The following LRRC8C variants were observed in gnomAD, a reference collection of about 807,000 sequenced individuals.
LRRC8C encodes leucine rich repeat containing 8 VRAC subunit C, also known as volume-regulated anion channel subunit LRRC8C.
LRRC8C carries 20 observed loss-of-function variants against 55.3 expected under a neutral mutation model. That is an observed-to-expected ratio of 0.36 (90% CI 0.25 to 0.53). LRRC8C has a LOEUF of 0.53. Ranked by LOEUF, LRRC8C falls within the 20% of genes least tolerant of loss-of-function variation. LRRC8C has a pLI of 0.92. For synonymous variants in LRRC8C, 376 were observed against 360.7 expected, an observed-to-expected ratio of 1.04 and a Z score of -0.48; for missense variants, 659 against 951.4, an observed-to-expected ratio of 0.69 and a Z score of 4.04.
rs115817992 is a variant in LRRC8C at position 89,689,574 on chromosome 1, C to T, written c.138+2963C>T. ...TTAAATGGTTTGAGTAGGGTGAAAGCAGTTGTTCTGCATGTATTTTGAAGG... is the reference window on the plus strand; with the variant it reads ...TTAAATGGTTTGAGTAGGGTGAAAGTAGTTGTTCTGCATGTATTTTGAAGG... On this transcript the variant is annotated intron_variant, in intron 2 of 2. Transcript: ENST00000370454. Among the ~76,000 whole-genome samples, 1,166 of 152,226 alleles carry T rather than the reference C, an allele frequency of 7.7e-3. 11 individuals carry two copies. The highest frequency in any genetic ancestry group is 0.027 in the African/African-American group (1,126 of 41,530).
chr1:89,642,349 CT>C, intron 1 of LRRC8C, among the ~76,000 whole-genome samples: 1 of 152,136 alleles, frequency 6.6e-6, no homozygotes, highest in Non-Finnish European at 1.5e-5. Context: ...GCATTAGTAC[CT>C]TAATAGGATT....
chr1:89,700,573 C>G (rs1439359135), intron 2 of LRRC8C, among the ~76,000 whole-genome samples: 1 of 152,154 alleles, frequency 6.6e-6, no homozygotes, highest in Non-Finnish European at 1.5e-5. Context: ...TAAAGGATAG[C>G]CTGCTCTTAT....
rs375875873 is a variant in LRRC8C at position 89,714,460 on chromosome 1, C to T, written c.1890C>T (p.Ile630=). The change falls in exon 3 of 3, where the codon ATC becomes ATT. Residue 630 remains isoleucine (I), a synonymous_variant. Transcript: ENST00000370454. This position sits in a 1 kb window ranked among gnomAD's most constrained non-coding sequence, Gnocchi z 4.6. ...KENNLKSIEE[I]VSFQHLRKLT... ...ACAATCTGAAATCTATAGAAGAAATCGTTAGCTTTCAGCACTTAAGAAAGT... is the reference window on the plus strand; with the variant it reads ...ACAATCTGAAATCTATAGAAGAAATTGTTAGCTTTCAGCACTTAAGAAAGT... 1.5e-5 allele frequency: 25 copies of T among 1,613,996 alleles called. No homozygotes were observed. Among genetic ancestry groups the T allele is most frequent in the South Asian group, 1.3e-4 (12 of 91,080 alleles).
At chr1:89,681,645 T>A (rs1332495271) in intron 1 of LRRC8C, among the ~76,000 whole-genome samples, 1 of 152,098 alleles carries the variant, frequency 6.6e-6, no homozygotes, top group African/African-American at 2.4e-5. Flanking sequence ...AACTGCCCTT[T>A]ATAAAACCAC....
intron 2 of LRRC8C, among the ~76,000 whole-genome samples, chr1:89,701,321 A>G (rs1658316422): frequency 6.6e-6 from 1 of 151,984 alleles, no homozygotes; most frequent in African/African-American, 2.4e-5. Flanking sequence ...CTAAAACTAC[A>G]AAAAATTAGC....
intron 1 of LRRC8C, among the ~76,000 whole-genome samples, chr1:89,670,725 A>G (rs965577400): frequency 6.6e-6 from 1 of 152,062 alleles, no homozygotes; most frequent in Non-Finnish European, 1.5e-5. Flanking sequence ...TACAGCAAGG[A>G]ATTTATCAAA....
intron 1 of LRRC8C, among the ~76,000 whole-genome samples, chr1:89,659,091 G>T (rs1657043368): frequency 2.1e-5 from 3 of 143,034 alleles, no homozygotes; most frequent in African/African-American, 5.3e-5. Context: ...GTGTGTGTGT[G>T]TGTGTGTGTG....
At chr1:89,706,449 A>G in intron 2 of LRRC8C, 1 of 432,188 alleles carries the variant, frequency 2.3e-6, no homozygotes, top group South Asian at 1.7e-5. Flanking sequence ...CTGCCTAAAT[A>G]AGTGTCATCC....
intron 2 of LRRC8C, among the ~76,000 whole-genome samples, chr1:89,688,573 G>GCCAGGCAGATGTCCTGGAAGGAGGCTT (rs1557662071): frequency 1.3e-5 from 2 of 152,192 alleles, no homozygotes; most frequent in East Asian, 1.9e-4. Context: ...CCAGGAGCAG[G>GCCAGGCAGATGTCCTGGAAGGAGGCTT]CCAGGCAGAT....
the LRRC8C span, among the ~76,000 whole-genome samples, chr1:89,621,261 T>C: frequency 5.8e-4 from 83 of 143,610 alleles, 1 homozygote; most frequent in South Asian, 7.5e-3. Flanking sequence ...GAGATCGAGA[T>C]CATCCTGGCT....
At chr1:89,641,818 G>A (rs1393224699) in intron 1 of LRRC8C, among the ~76,000 whole-genome samples, 4 of 152,154 alleles carry the variant, frequency 2.6e-5, no homozygotes, top group Admixed American at 6.5e-5. Context: ...TAGTTTCAGT[G>A]TTATCTACTT....
intron 1 of LRRC8C, among the ~76,000 whole-genome samples, chr1:89,666,790 G>A (rs569935937): frequency 2.6e-5 from 4 of 152,214 alleles, no homozygotes; most frequent in African/African-American, 9.6e-5. Flanking sequence ...TACTTATTGA[G>A]TACCTTTTAT....
Position 89,717,316 on chromosome 1 carries a change from G to A in LRRC8C, c.*2334G>A, listed in dbSNP as rs1658856262. On this transcript the variant is annotated 3_prime_UTR_variant, in exon 3 of 3. Transcript: ENST00000370454. ...TACCCTTCAAAAGGGATCTCTTCAG[G>A]TTAAAAATCACGCTTATGCTGAAGT... is the stretch of plus-strand genomic sequence containing the variant. 2 of 152,168 alleles carry A rather than the reference G, an allele frequency of 1.3e-5. No homozygotes were observed. Among genetic ancestry groups the A allele is most frequent in the South Asian group, 4.2e-4 (2 of 4,814 alleles). 9.4% of individuals were successfully genotyped at this position (152,168 alleles called of 1,614,324 possible).
chr1:89,698,975 GA>G (rs964027916), intron 2 of LRRC8C, among the ~76,000 whole-genome samples: 2 of 147,634 alleles, frequency 1.4e-5, no homozygotes, highest in African/African-American at 5.0e-5. Flanking sequence ...CCCGAAGGTG[GA>G]AAAAAAAAGA....
At position 89,714,332 on chromosome 1, in the gene LRRC8C, A is replaced by G. The variant is rs759877141; in HGVS notation, c.1762A>G (p.Met588Val). The G allele has an allele frequency of 6.2e-7, 1 of 1,614,208 alleles. No individual in the cohort carries two copies. ...GGTGATGCTCAACAACTTAAAGAAG[A>G]TGACCAATCTGACAGAGCTGGAGCT... ...KLVMLNNLKK[M>V]TNLTELELVH... Residue 588 changes from methionine (M) to valine (V), a missense_variant, in exon 3 of 3, where the codon ATG becomes GTG. Met to Val is a conservative substitution (Grantham distance 21, BLOSUM62 1). Coordinates refer to ENST00000370454, the MANE Select transcript of LRRC8C (RefSeq NM_032270.5). The surrounding 1 kb of genome is among the most constrained non-coding windows in gnomAD (Gnocchi z 4.6).
chr1:89,690,123 G>A (rs762558260), intron 2 of LRRC8C, among the ~76,000 whole-genome samples: 1 of 152,134 alleles, frequency 6.6e-6, no homozygotes. Context: ...CAGGAGGAAC[G>A]AGGTGAAGAT....
chr1:89,652,787 G>A (rs919104895), intron 1 of LRRC8C, among the ~76,000 whole-genome samples: 4 of 152,036 alleles, frequency 2.6e-5, no homozygotes, highest in Admixed American at 1.3e-4. Context: ...TTACGGGGTC[G>A]CAGTATCACA....
intron 1 of LRRC8C, among the ~76,000 whole-genome samples, chr1:89,659,700 A>C (rs909265031): frequency 6.6e-5 from 10 of 152,198 alleles, no homozygotes; most frequent in African/African-American, 9.6e-5. Flanking sequence ...AAATGCTTAT[A>C]AATATGGACC....
At chr1:89,680,976 TAAAAA>T (rs1289771375) in intron 1 of LRRC8C, among the ~76,000 whole-genome samples, 3 of 152,218 alleles carry the variant, frequency 2.0e-5, no homozygotes, top group African/African-American at 7.2e-5. Context: ...TTGATTTAAT[TAAAAA>T]TATTACACTT....
Sources: allele counts gnomAD v4.1 joint callset (sites outside exome capture counted in the v4.1 genomes callset), GRCh38; gene constraint gnomAD v4.1.1; non-coding constraint Gnocchi (gnomAD v3.1); transcripts MANE v1.5; gene names NCBI Gene and HGNC (gene_info 2026-07-23, HGNC 2026-07-21).